The following GALNT17 variants were observed in gnomAD, a reference collection of about 807,000 sequenced individuals.
GALNT17 encodes the protein polypeptide N-acetylgalactosaminyltransferase 17, also known as UDP-GalNAc:polypeptide N-acetylgalactosaminyltransferase-like 3.
Under a neutral mutation model 63.7 loss-of-function variants are expected in GALNT17, and 29 were observed. The observed-to-expected ratio is 0.46, with a 90% CI of 0.34 to 0.62. The LOEUF is 0.62. Ranked by LOEUF, GALNT17 falls within the 20% of genes least tolerant of loss-of-function variation. The pLI is 0.01. For synonymous variants in GALNT17, 305 were observed against 318.3 expected (o/e 0.96, Z 0.45); for missense variants, 603 against 799.6 (o/e 0.75, Z 2.97).
At chr7:71,450,260 C>T (rs1233432095) in intron 5 of GALNT17, among the ~76,000 whole-genome samples, 5 of 151,596 alleles carry the variant, frequency 3.3e-5, no homozygotes, top group African/African-American at 7.3e-5. Flanking sequence ...CTCAGCCTCG[C>T]GAGTAGTGGC....
intron 5 of GALNT17, among the ~76,000 whole-genome samples, chr7:71,439,071 G>T (rs1262830110): frequency 2.6e-5 from 4 of 151,740 alleles, no homozygotes; most frequent in Non-Finnish European, 5.9e-5. Context: ...AAAATTGTTT[G>T]TAGAGATGAG....
intron 5 of GALNT17, among the ~76,000 whole-genome samples, chr7:71,448,876 A>G (rs1787206598): frequency 1.3e-5 from 2 of 152,104 alleles, no homozygotes; most frequent in Admixed American, 6.6e-5. Context: ...GCCAAGAAAA[A>G]TTTAGCTGTT....
intron 2 of GALNT17, among the ~76,000 whole-genome samples, chr7:71,364,887 C>T (rs1792473934): frequency 6.6e-6 from 1 of 151,986 alleles, no homozygotes; most frequent in African/African-American, 2.4e-5. Flanking sequence ...CCTATCTTTC[C>T]CCTGCATTCC....
At chr7:71,677,637 C>T (rs1791173116) in intron 9 of GALNT17, among the ~76,000 whole-genome samples, 1 of 151,930 alleles carries the variant, frequency 6.6e-6, no homozygotes, top group Non-Finnish European at 1.5e-5. Context: ...GCCTCAGCCT[C>T]CAGAGTAGCT....
chr7:71,366,657 T>C (rs1792516191), intron 2 of GALNT17, among the ~76,000 whole-genome samples: 1 of 152,208 alleles, frequency 6.6e-6, no homozygotes, highest in African/African-American at 2.4e-5. Context: ...TGACTACTGT[T>C]GGCTGTTTCT....
chr7:71,143,060 C>T (rs1169919577), intron 1 of GALNT17, among the ~76,000 whole-genome samples: 1 of 151,946 alleles, frequency 6.6e-6, no homozygotes, highest in Non-Finnish European at 1.5e-5. Context: ...TAGAAATTTT[C>T]ATGCATGCAC....
chr7:71,245,392 G>C (rs1790075519), intron 1 of GALNT17, among the ~76,000 whole-genome samples: 2 of 152,164 alleles, frequency 1.3e-5, no homozygotes, highest in African/African-American at 4.8e-5. Flanking sequence ...GTCATCCACG[G>C]GTGTAAAGAA....
At chr7:71,344,683 C>A (rs1412349181) in intron 2 of GALNT17, among the ~76,000 whole-genome samples, 1 of 151,918 alleles carries the variant, frequency 6.6e-6, no homozygotes, top group Non-Finnish European at 1.5e-5. Flanking sequence ...CAACTGTGTG[C>A]GAGACATTGC....
rs1043769008 is a variant in GALNT17 at position 71,388,231 on chromosome 7, C to G, written c.423-4C>G. The stretch of plus-strand genomic sequence containing the variant: ...CTCTGCATTTCCGATCTCTCCTTCC[C>G]CAGGTGTAAGGAGCTCAAGTACTCC... On this transcript the variant is annotated splice_polypyrimidine_tract_variant and splice_region_variant and intron_variant, in intron 2 of 10. Coordinates refer to ENST00000333538, the MANE Select transcript of GALNT17 (RefSeq NM_022479.3). 9 of 1,612,758 alleles carry G rather than the reference C, an allele frequency of 5.6e-6. No homozygotes were observed. The highest frequency in any genetic ancestry group is 2.2e-5 in the South Asian group (2 of 90,808).
At chr7:71,653,870 G>A (rs1049517183) in intron 6 of GALNT17, among the ~76,000 whole-genome samples, 1 of 152,134 alleles carries the variant, frequency 6.6e-6, no homozygotes, top group Non-Finnish European at 1.5e-5. Flanking sequence ...AGACCCCTTG[G>A]GAAGAAATTT....
chr7:71,385,967 C>T (rs567520284), intron 2 of GALNT17, among the ~76,000 whole-genome samples: 13 of 152,216 alleles, frequency 8.5e-5, no homozygotes, highest in Non-Finnish European at 1.6e-4. Flanking sequence ...TTGGGAAGGC[C>T]GAGGCAGGCA....
intron 1 of GALNT17, among the ~76,000 whole-genome samples, chr7:71,317,127 C>A (rs1294903125): frequency 6.6e-6 from 1 of 152,104 alleles, no homozygotes; most frequent in East Asian, 1.9e-4. Flanking sequence ...CCGTATGTTT[C>A]TTTATGGAAT....
intron 5 of GALNT17, among the ~76,000 whole-genome samples, chr7:71,557,748 G>A (rs537500208): frequency 6.6e-5 from 10 of 152,058 alleles, no homozygotes; most frequent in East Asian, 3.9e-4. Flanking sequence ...CCGAGATCGC[G>A]CCACTGCACT....
chr7:71,457,809 C>T (rs1000121652), intron 5 of GALNT17, among the ~76,000 whole-genome samples: 7 of 152,202 alleles, frequency 4.6e-5, no homozygotes, highest in African/African-American at 1.7e-4. Context: ...GACCTCTTAT[C>T]TCATTCTGTG....
At chr7:71,629,024 G>C (rs1226920173) in intron 6 of GALNT17, among the ~76,000 whole-genome samples, 1 of 152,188 alleles carries the variant, frequency 6.6e-6, no homozygotes, top group Non-Finnish European at 1.5e-5. Flanking sequence ...CATGGGCCAC[G>C]CCCCTATCTG....
intron 8 of GALNT17, among the ~76,000 whole-genome samples, chr7:71,672,912 G>T (rs1791091827): frequency 6.6e-6 from 1 of 151,924 alleles, no homozygotes; most frequent in Non-Finnish European, 1.5e-5. Context: ...AGTTACACAA[G>T]AAAAAATACA....
intron 1 of GALNT17, among the ~76,000 whole-genome samples, chr7:71,179,674 G>C (rs192595028): frequency 6.6e-6 from 1 of 152,164 alleles, no homozygotes; most frequent in Non-Finnish European, 1.5e-5. Context: ...ACCATCTGCA[G>C]AGGCCTGCCT....
At chr7:71,330,502 A>T (rs531777109) in intron 1 of GALNT17, among the ~76,000 whole-genome samples, 1 of 152,174 alleles carries the variant, frequency 6.6e-6, no homozygotes, top group South Asian at 2.1e-4. Context: ...AGCTCAAGCA[A>T]TCCTACCTCC....
intron 1 of GALNT17, among the ~76,000 whole-genome samples, chr7:71,178,179 A>G (rs1332100293): frequency 1.3e-5 from 2 of 152,158 alleles, no homozygotes; most frequent in Admixed American, 6.6e-5. Flanking sequence ...GTTTTGCTAT[A>G]TACAGAATTC....
Sources: allele counts gnomAD v4.1 joint callset (sites outside exome capture counted in the v4.1 genomes callset), GRCh38; gene constraint gnomAD v4.1.1; transcripts MANE v1.5; gene names NCBI Gene and HGNC (gene_info 2026-07-23, HGNC 2026-07-21).